Variants in GNG7 observed in about 807,000 individuals in gnomAD.
The protein encoded by GNG7 is guanine nucleotide-binding protein G(I)/G(S)/G(O) subunit gamma-7.
Under a neutral mutation model 4.0 loss-of-function variants are expected in GNG7, and 1 was observed. The observed-to-expected ratio is 0.25, with a 90% CI of 0.09 to 1.18. GNG7 has a LOEUF of 1.18. Ranked by LOEUF, GNG7 falls within the 50% of genes most tolerant of loss-of-function variation. The pLI, the probability that GNG7 is intolerant of heterozygous loss-of-function variation, is 0.50. For synonymous variants in GNG7, 34 were observed against 36.9 expected (o/e 0.92, Z 0.29); for missense variants, 86 against 91.9 (o/e 0.94, Z 0.26).
intron 2 of GNG7, among the ~76,000 whole-genome samples, chr19:2,586,451 GC>G: frequency 6.6e-6 from 1 of 152,316 alleles, no homozygotes; most frequent in Middle Eastern, 3.4e-3. Context: ...GGCTTGGGGG[GC>G]TGGGAGCCAG....
chr19:2,696,326 G>GAAAGAAAGAAAGAAAGAAAGAAAGA (rs1568287891), intron 1 of GNG7, among the ~76,000 whole-genome samples: 5 of 132,384 alleles, frequency 3.8e-5, no homozygotes, highest in Non-Finnish European at 8.1e-5. Context: ...AAGAAAGAAA[G>GAAAGAAAGAAAGAAAGAAAGAAAGA]AAAGAAAGAA....
At chr19:2,563,780 C>G (rs1979819068) in intron 2 of GNG7, among the ~76,000 whole-genome samples, 2 of 152,308 alleles carry the variant, frequency 1.3e-5, no homozygotes, top group South Asian at 4.1e-4. Flanking sequence ...CCGCGCCCGG[C>G]CCAGGTCACA....
At chr19:2,568,475 TACAC>T (rs373713495) in intron 2 of GNG7, among the ~76,000 whole-genome samples, 2,886 of 150,054 alleles carry the variant, frequency 0.019, 52 homozygotes, top group African/African-American at 0.052. Context: ...CACATGCACA[TACAC>T]ACAGACTTAC....
intron 1 of GNG7, among the ~76,000 whole-genome samples, chr19:2,661,143 G>A (rs1479696205): frequency 6.0e-5 from 9 of 149,502 alleles, no homozygotes; most frequent in African/African-American, 1.7e-4. Flanking sequence ...CCTGGGAGGC[G>A]GAGGTTGCAG....
At chr19:2,524,099 C>A (rs1002042139) in intron 3 of GNG7, among the ~76,000 whole-genome samples, 1 of 152,240 alleles carries the variant, frequency 6.6e-6, no homozygotes, top group African/African-American at 2.4e-5. Context: ...CTGGCCGCAC[C>A]TCCTGTTTTC....
At chr19:2,652,988 A>G (rs1458496801) in intron 1 of GNG7, among the ~76,000 whole-genome samples, 2 of 151,818 alleles carry the variant, frequency 1.3e-5, no homozygotes, top group East Asian at 3.9e-4. Flanking sequence ...TTTGCTGGGC[A>G]TGGTGGCTCC....
At chr19:2,624,540 A>AG in intron 2 of GNG7, among the ~76,000 whole-genome samples, 1 of 151,706 alleles carries the variant, frequency 6.6e-6, no homozygotes, top group East Asian at 1.9e-4. Context: ...AAAAAAAAAA[A>AG]AAAAAAGAAA....
At chr19:2,690,626 C>G (rs1348919428) in intron 1 of GNG7, among the ~76,000 whole-genome samples, 1 of 151,566 alleles carries the variant, frequency 6.6e-6, no homozygotes, top group East Asian at 1.9e-4. Context: ...CAGGGTCTTG[C>G]TCTGTCGCCC....
chr19:2,516,051 C>T (rs189018389), intron 4 of GNG7, among the ~76,000 whole-genome samples: 1 of 151,486 alleles, frequency 6.6e-6, no homozygotes, highest in Admixed American at 6.6e-5. Context: ...CCTATCTCTA[C>T]AAAAAATACA....
At chr19:2,661,795 C>A (rs1983187832) in intron 1 of GNG7, among the ~76,000 whole-genome samples, 1 of 152,162 alleles carries the variant, frequency 6.6e-6, no homozygotes, top group Non-Finnish European at 1.5e-5. Context: ...CCAACAGCCA[C>A]ATGAGGGCGC....
intron 2 of GNG7, chr19:2,632,466 A>G (rs1288631676): frequency 7.1e-6 from 1 of 139,942 alleles, no homozygotes; most frequent in Non-Finnish European, 1.5e-5. Flanking sequence ...ACCTGCTATA[A>G]ACAAAACTCA....
chr19:2,646,516 T>A (rs986788474), intron 1 of GNG7, among the ~76,000 whole-genome samples: 12 of 152,180 alleles, frequency 7.9e-5, no homozygotes, highest in Admixed American at 1.3e-4. Context: ...CAAAATCCCG[T>A]CTCTACTAAA....
chr19:2,687,560 G>T (rs1444299516), intron 1 of GNG7, among the ~76,000 whole-genome samples: 1 of 152,124 alleles, frequency 6.6e-6, no homozygotes, highest in African/African-American at 2.4e-5. Context: ...AGGTTGCGGT[G>T]AGCCGAGATC....
chr19:2,697,937 A>C (rs1356711284), intron 1 of GNG7, among the ~76,000 whole-genome samples: 3 of 151,300 alleles, frequency 2.0e-5, no homozygotes, highest in Non-Finnish European at 4.4e-5. Context: ...GCGCCACTGC[A>C]CTCCAGCCTG....
chr19:2,698,874 G>C (rs1198002202), intron 1 of GNG7, among the ~76,000 whole-genome samples: 1 of 152,142 alleles, frequency 6.6e-6, no homozygotes, highest in Non-Finnish European at 1.5e-5. Flanking sequence ...CCTTCAAACA[G>C]TGGGGCCCCA....
chr19:2,639,289 G>A (rs1022462460), intron 2 of GNG7, among the ~76,000 whole-genome samples: 2 of 151,932 alleles, frequency 1.3e-5, no homozygotes, highest in Non-Finnish European at 2.9e-5. Context: ...CAAAAGACAC[G>A]CTCAGGAAAA....
At chr19:2,667,908 G>A (rs1983350587) in intron 1 of GNG7, among the ~76,000 whole-genome samples, 1 of 149,388 alleles carries the variant, frequency 6.7e-6, no homozygotes, top group African/African-American at 2.5e-5. Flanking sequence ...GAGCAACTCT[G>A]TCTCCCAAAA....
chr19:2,659,936 C>T (rs1227498604), intron 1 of GNG7, among the ~76,000 whole-genome samples: 2 of 152,076 alleles, frequency 1.3e-5, no homozygotes, highest in African/African-American at 2.4e-5. Context: ...TTTCTGCTTT[C>T]CCCCGAGCCC....
At chr19:2,664,401 T>A (rs1599450352) in intron 1 of GNG7, among the ~76,000 whole-genome samples, 1 of 151,664 alleles carries the variant, frequency 6.6e-6, no homozygotes, top group South Asian at 2.1e-4. Context: ...GCAGGGGAGG[T>A]GCCGGGACTG....
Sources: gnomAD v4.1 joint callset for allele counts (sites outside exome capture counted in the v4.1 genomes callset) on GRCh38, gnomAD v4.1.1 for gene constraint, MANE v1.5 for transcripts, NCBI Gene and HGNC (gene_info 2026-07-23, HGNC 2026-07-21) for gene names.